The following EPC2 variants were observed in gnomAD, a reference collection of about 807,000 sequenced individuals.
The protein encoded by EPC2 is enhancer of polycomb 2.
A neutral mutation model predicts 92.1 loss-of-function variants in EPC2; 14 were observed. The observed-to-expected ratio is 0.15, with a 90% CI of 0.10 to 0.24. The LOEUF is 0.24. Ranked by LOEUF, EPC2 falls within the 10% of genes least tolerant of loss-of-function variation. The pLI, the probability that EPC2 is intolerant of heterozygous loss-of-function variation, is 1.00. For missense variants in EPC2, 755 were observed against 971.5 expected (o/e 0.78, Z 2.96); for synonymous variants, 340 against 334.7 (o/e 1.02, Z -0.17).
At chr2:148,735,555 A>G (rs1682733193) in intron 2 of EPC2, among the ~76,000 whole-genome samples, 1 of 152,000 alleles carries the variant, frequency 6.6e-6, no homozygotes, top group South Asian at 2.1e-4. Flanking sequence ...ATTCAAAAGT[A>G]GAAATAATAA....
intron 1 of EPC2, 139 bp downstream of exon 1, chr2:148,645,309 G>C: frequency 1.3e-6 from 1 of 777,938 alleles, no homozygotes. Context: ...CTACGCCGGC[G>C]GAGTAGCGTA....
At chr2:148,706,840 T>C (rs1461239484) in intron 2 of EPC2, among the ~76,000 whole-genome samples, 2 of 152,152 alleles carry the variant, frequency 1.3e-5, no homozygotes, top group Non-Finnish European at 2.9e-5. Context: ...CAAGAGCTCC[T>C]GAAGGAAGCA....
intron 4 of EPC2, among the ~76,000 whole-genome samples, chr2:148,758,453 T>C (rs1367042806): frequency 6.6e-6 from 1 of 152,200 alleles, no homozygotes; most frequent in Non-Finnish European, 1.5e-5. Flanking sequence ...TGAAATGTAG[T>C]GGTGCAATCT....
intron 1 of EPC2, among the ~76,000 whole-genome samples, chr2:148,685,213 C>A (rs1404174843): frequency 1.3e-5 from 2 of 149,768 alleles, no homozygotes; most frequent in Admixed American, 1.3e-4. Flanking sequence ...CTTTATTGAA[C>A]AAAAATTTTT....
In EPC2 at chr2:148,764,948, TA is replaced by T; in HGVS notation, c.949-4del. Reference sequence around the variant, plus strand: ...TCCTTTTGGGGGAAAAATCGTCATGTAAACAGCACCCTCATCATTTGTCTTT... The same window carrying T: ...TCCTTTTGGGGGAAAAATCGTCATGTAACAGCACCCTCATCATTTGTCTTT... On this transcript the variant is annotated splice_polypyrimidine_tract_variant and splice_region_variant and intron_variant, in intron 6 of 13. Coordinates refer to ENST00000258484, the MANE Select transcript of EPC2 (RefSeq NM_015630.4). 6.8e-7 allele frequency: 1 copy of T among 1,470,172 alleles called. No individual in the cohort carries two copies. The highest frequency in any genetic ancestry group is 9.0e-7 in the Non-Finnish European group (1 of 1,106,188). The allele number at this position is 1,470,172 out of a possible 1,614,324, so 91.1% of individuals were successfully genotyped here. A position where few individuals can be genotyped will look rare whatever the true frequency, so the allele number is the denominator to read the frequency against.
chr2:148,714,024 A>G (rs1019060083), intron 2 of EPC2, among the ~76,000 whole-genome samples: 7 of 152,072 alleles, frequency 4.6e-5, no homozygotes, highest in Non-Finnish European at 1.0e-4. Context: ...CCCAGAATCC[A>G]TTAGCTGTTC....
intron 2 of EPC2, among the ~76,000 whole-genome samples, chr2:148,742,281 A>G (rs1301493185): frequency 2.0e-5 from 3 of 152,226 alleles, no homozygotes; most frequent in Non-Finnish European, 4.4e-5. Flanking sequence ...ATGAAACTAA[A>G]TACCAGTTTA....
At chr2:148,783,821 T>C in intron 12 of EPC2, 65 bp downstream of exon 12, 1 of 1,485,106 alleles carries the variant, frequency 6.7e-7, no homozygotes, top group Non-Finnish European at 9.1e-7. Flanking sequence ...TGGGAGTTTG[T>C]TTTTTGTTTT....
rs117711277 is a variant in EPC2 at position 148,652,506 on chromosome 2, C to T, written c.153+7336C>T. 2.8e-4 allele frequency among the ~76,000 whole-genome samples: 42 copies of T among 152,166 alleles called. 1 individual carries two copies. In the East Asian group the frequency reaches 6.4e-3, roughly 23 times the overall value. On this transcript the variant is annotated intron_variant, in intron 1 of 13. Transcript: ENST00000258484. ...TTGTAAGGGATGAGTTTTGTTTGAC[C>T]GCGTAGAAATTATTTAACCTTCCTG...
intron 1 of EPC2, among the ~76,000 whole-genome samples, chr2:148,671,290 T>G (rs998479088): frequency 7.3e-6 from 1 of 137,024 alleles, no homozygotes; most frequent in Admixed American, 7.0e-5. Context: ...GATTGTGATT[T>G]TTTTTTTTTT....
chr2:148,660,612 G>A (rs1400881232), intron 1 of EPC2, among the ~76,000 whole-genome samples: 1 of 151,120 alleles, frequency 6.6e-6, no homozygotes, highest in African/African-American at 2.4e-5. Flanking sequence ...AATGCTTTTG[G>A]TTTTTGAATT....
intron 11 of EPC2, among the ~76,000 whole-genome samples, chr2:148,782,714 T>C (rs1683778356): frequency 6.6e-6 from 1 of 151,648 alleles, no homozygotes; most frequent in African/African-American, 2.4e-5. Context: ...TTTAACCCCA[T>C]AAGCTTCATT....
At chr2:148,727,310 A>G (rs571104691) in intron 2 of EPC2, among the ~76,000 whole-genome samples, 1 of 152,182 alleles carries the variant, frequency 6.6e-6, no homozygotes, top group South Asian at 2.1e-4. Flanking sequence ...TGCCAATTCC[A>G]TACTGTTTAA....
intron 1 of EPC2, among the ~76,000 whole-genome samples, chr2:148,678,537 C>A (rs112533245): frequency 6.6e-6 from 1 of 152,240 alleles, no homozygotes; most frequent in Non-Finnish European, 1.5e-5. Flanking sequence ...AGGTCCCGAG[C>A]CCTGCCACAC....
chr2:148,741,115 C>T (rs1682873260), intron 2 of EPC2, among the ~76,000 whole-genome samples: 1 of 152,088 alleles, frequency 6.6e-6, no homozygotes. Context: ...ATGAATCATA[C>T]TTACAAAATA....
chr2:148,764,144 A>G (rs1433986142), intron 6 of EPC2, among the ~76,000 whole-genome samples: 1 of 152,218 alleles, frequency 6.6e-6, no homozygotes, highest in African/African-American at 2.4e-5. Flanking sequence ...TTGCCTTTCA[A>G]GCAATATTTT....
At chr2:148,775,995 A>G (rs974289775) in intron 10 of EPC2, among the ~76,000 whole-genome samples, 4 of 151,794 alleles carry the variant, frequency 2.6e-5, no homozygotes, top group African/African-American at 9.7e-5. Context: ...GTTAGCCAGG[A>G]TGGTCTCGAT....
intron 1 of EPC2, 188 bp downstream of exon 1, chr2:148,645,358 ATGT>A: frequency 1.8e-6 from 1 of 554,012 alleles, no homozygotes; most frequent in African/African-American, 2.0e-5. Context: ...CGCGGCCGCC[ATGT>A]TGTTGCGTCC....
At chr2:148,710,499 G>C (rs1244364828) in intron 2 of EPC2, among the ~76,000 whole-genome samples, 1 of 152,184 alleles carries the variant, frequency 6.6e-6, no homozygotes, top group Non-Finnish European at 1.5e-5. Flanking sequence ...CCATTACTGG[G>C]TATATACCCA....
Sources: allele counts gnomAD v4.1 joint callset (sites outside exome capture counted in the v4.1 genomes callset), GRCh38; gene constraint gnomAD v4.1.1; transcripts MANE v1.5; gene names NCBI Gene and HGNC (gene_info 2026-07-23, HGNC 2026-07-21).